Variants in AGBL4 observed in about 807,000 individuals in gnomAD.
AGBL4 encodes cytosolic carboxypeptidase 6.
In AGBL4, 58 loss-of-function variants were observed where a neutral mutation model predicts 66.4. The observed-to-expected ratio is 0.87, with a 90% CI of 0.71 to 1.09. AGBL4 has a LOEUF of 1.09. Ranked by LOEUF, AGBL4 falls within the 50% of genes least tolerant of loss-of-function variation. The pLI is 0.00. For synonymous variants in AGBL4, 234 were observed against 222.9 expected (o/e 1.05, Z -0.44); for missense variants, 579 against 631.0 (o/e 0.92, Z 0.88).
chr1:49,338,734 C>T lies in AGBL4; in HGVS notation c.283-92870G>A, dbSNP rs182911423. ...AAAATTCAAGGGGAAATATCTGCTC[C>T]GATGATCAGAAGCTGGTCAGGTAAG... On this transcript the variant is annotated intron_variant, in intron 3 of 13. Coordinates refer to ENST00000371839, the MANE Select transcript of AGBL4 (RefSeq NM_032785.4). Among the ~76,000 whole-genome samples the T allele has an allele frequency of 8.5e-5, 13 of 152,158 alleles. No homozygotes were observed. The East Asian group carries it at 1.2e-3, about 14-fold the overall frequency.
chr1:49,235,266 A>T (rs2148305546), intron 4 of AGBL4, among the ~76,000 whole-genome samples: 1 of 152,322 alleles, frequency 6.6e-6, no homozygotes, highest in African/African-American at 2.4e-5. Flanking sequence ...CCTGTCTGCT[A>T]TGAGAGAGAG....
chr1:49,846,335 G>C, intron 2 of AGBL4: 1 of 1,532,522 alleles, frequency 6.5e-7, no homozygotes, highest in African/African-American at 1.4e-5. Flanking sequence ...TGCATGCAGG[G>C]ACTATGGAAA....
intron 1 of AGBL4, among the ~76,000 whole-genome samples, chr1:49,948,027 A>AATATATAAATATATATACAT (rs1553151826): frequency 4.0e-5 from 3 of 75,868 alleles, no homozygotes; most frequent in African/African-American, 2.1e-4. Flanking sequence ...AATATATATA[A>AATATATAAATATATATACAT]ATATATATAC....
Position 49,093,439 on chromosome 1 carries a change from G to A in AGBL4, c.378-47639C>T, listed in dbSNP as rs528430927. Among the ~76,000 whole-genome samples, 254 of 152,224 alleles carry A rather than the reference G, an allele frequency of 1.7e-3. 1 individual carries two copies. The highest frequency in any genetic ancestry group is 5.7e-3 in the African/African-American group (238 of 41,536). On this transcript the variant is annotated intron_variant, in intron 4 of 13. Transcript: ENST00000371839. ...TACCATGTACAATTTACTTGGCTAA[G>A]CACTGAAAATATAGTAGTAAGCACA...
intron 2 of AGBL4, among the ~76,000 whole-genome samples, chr1:49,705,201 G>A (rs7527797): frequency 0.4 from 60,901 of 152,020 alleles, 15,532 homozygotes; most frequent in Non-Finnish European, 0.57. Flanking sequence ...GTGAATAGTA[G>A]TTAACTCATG....
At chr1:48,634,025 C>T (rs1445751775) in intron 9 of AGBL4, among the ~76,000 whole-genome samples, 1 of 152,220 alleles carries the variant, frequency 6.6e-6, no homozygotes, top group Non-Finnish European at 1.5e-5. Flanking sequence ...CCTTTTGGAA[C>T]TGGAACTGGA....
intron 1 of AGBL4, among the ~76,000 whole-genome samples, chr1:49,863,674 T>C (rs1234275162): frequency 6.6e-6 from 1 of 152,216 alleles, no homozygotes; most frequent in African/African-American, 2.4e-5. Flanking sequence ...AACAGGCATA[T>C]GAAAAGGTGT....
chr1:48,758,757 T>A (rs1644085629), intron 6 of AGBL4: 1 of 684,008 alleles, frequency 1.5e-6, no homozygotes, highest in Admixed American at 3.0e-5. Flanking sequence ...TGACTCTTCC[T>A]TGAGGTAACT....
intron 5 of AGBL4, among the ~76,000 whole-genome samples, chr1:48,879,172 T>C (rs908130717): frequency 2.7e-5 from 4 of 150,658 alleles, no homozygotes; most frequent in Non-Finnish European, 5.9e-5. Flanking sequence ...TTTTGTTACA[T>C]GGAGAAAGCA....
intron 2 of AGBL4, among the ~76,000 whole-genome samples, chr1:49,725,661 T>C (rs1470471057): frequency 6.6e-6 from 1 of 151,148 alleles, no homozygotes; most frequent in Non-Finnish European, 1.5e-5. Flanking sequence ...TCATATCCAT[T>C]AATGTTCTTT....
intron 1 of AGBL4, among the ~76,000 whole-genome samples, chr1:49,948,850 A>G (rs1655807113): frequency 6.6e-6 from 1 of 151,738 alleles, no homozygotes; most frequent in Admixed American, 6.6e-5. Flanking sequence ...TCTAAAATTC[A>G]TATGGAGCCA....
chr1:48,535,860 C>T (rs531329533), intron 12 of AGBL4, among the ~76,000 whole-genome samples: 6 of 152,050 alleles, frequency 3.9e-5, no homozygotes, highest in South Asian at 4.2e-4. Context: ...GGGTTGAAGT[C>T]GGTAATTTTG....
At chr1:49,578,201 C>A (rs1385672936) in intron 3 of AGBL4, among the ~76,000 whole-genome samples, 1 of 152,130 alleles carries the variant, frequency 6.6e-6, no homozygotes, top group South Asian at 2.1e-4. Context: ...GGGTGGTTGA[C>A]CCGGACTATC....
At chr1:49,372,635 CT>C (rs1272292560) in intron 3 of AGBL4, among the ~76,000 whole-genome samples, 2 of 131,410 alleles carry the variant, frequency 1.5e-5, no homozygotes, top group African/African-American at 6.8e-5. Flanking sequence ...TTCTTTCTTT[CT>C]TTCTTTCTTT....
At chr1:49,984,124 T>A (rs1659309146) in intron 1 of AGBL4, among the ~76,000 whole-genome samples, 1 of 152,206 alleles carries the variant, frequency 6.6e-6, no homozygotes, top group Non-Finnish European at 1.5e-5. Flanking sequence ...ATAAACTATG[T>A]TCTAACTGCC....
chr1:49,708,119 T>A lies in AGBL4; in HGVS notation c.158-10682A>T, dbSNP rs546986166. ...GACCTGTTTCACTAGGTTGGGGACG[T>A]TCTCCTGGATAATATCCTGAAGAGT... is the stretch of plus-strand genomic sequence containing the variant. On this transcript the variant is annotated intron_variant, in intron 2 of 13. Transcript: ENST00000371839. Among the ~76,000 whole-genome samples, 6 of 152,290 alleles carry A rather than the reference T, an allele frequency of 3.9e-5. No individual in the cohort carries two copies. The East Asian group carries it at 1.2e-3, about 29-fold the overall frequency.
chr1:49,751,393 A>C (rs1044346533), intron 2 of AGBL4, among the ~76,000 whole-genome samples: 3 of 152,082 alleles, frequency 2.0e-5, no homozygotes, highest in Admixed American at 6.6e-5. Flanking sequence ...TTACTGATTT[A>C]AGTATGTTGA....
At chr1:49,291,140 G>T (rs1644525223) in intron 3 of AGBL4, among the ~76,000 whole-genome samples, 1 of 152,174 alleles carries the variant, frequency 6.6e-6, no homozygotes, top group South Asian at 2.1e-4. Context: ...GAAATCCTCT[G>T]CAGATTCCAA....
chr1:49,462,887 A>G (rs1020644207), intron 3 of AGBL4, among the ~76,000 whole-genome samples: 2 of 151,750 alleles, frequency 1.3e-5, no homozygotes, highest in Admixed American at 1.3e-4. Flanking sequence ...GTTTATGGCA[A>G]TAAGGTTACT....
Sources: allele counts gnomAD v4.1 joint callset (sites outside exome capture counted in the v4.1 genomes callset), GRCh38; gene constraint gnomAD v4.1.1; transcripts MANE v1.5; gene names NCBI Gene and HGNC (gene_info 2026-07-23, HGNC 2026-07-21).